The following MBD5 variants were observed in gnomAD, a reference collection of about 807,000 sequenced individuals.
MBD5 encodes methyl-CpG-binding domain protein 5.
A neutral mutation model predicts 117.3 loss-of-function variants in MBD5; 13 were observed. The ratio of observed to expected loss-of-function variants is 0.11; its 90% confidence interval spans 0.07 to 0.18. The LOEUF (loss-of-function observed/expected upper bound fraction) is 0.18, where lower values mean the gene tolerates loss of function less well. Ranked by LOEUF, MBD5 falls within the 10% of genes least tolerant of loss-of-function variation. MBD5 has a pLI of 1.00. For synonymous variants in MBD5, 727 were observed against 766.4 expected (o/e 0.95, Z 0.85); for missense variants, 1,879 against 2,093.8 (o/e 0.90, Z 2.00).
At chr2:148,396,317 T>G (rs936780029) in intron 4 of MBD5, among the ~76,000 whole-genome samples, 3 of 152,176 alleles carry the variant, frequency 2.0e-5, no homozygotes, top group African/African-American at 7.2e-5. Context: ...TAGAGAGCAA[T>G]GGCAGCATGG....
intron 2 of MBD5, among the ~76,000 whole-genome samples, chr2:148,210,851 T>C (rs1699405867): frequency 6.6e-6 from 1 of 152,170 alleles, no homozygotes; most frequent in African/African-American, 2.4e-5. Context: ...CTTTCAGTTG[T>C]ATCTAGTTTT....
intron 1 of MBD5, among the ~76,000 whole-genome samples, chr2:148,149,101 C>G (rs933867169): frequency 1.3e-5 from 2 of 150,476 alleles, no homozygotes; most frequent in South Asian, 2.1e-4. Flanking sequence ...CCCCCCACCC[C>G]ACAACAGTCC....
intron 1 of MBD5, among the ~76,000 whole-genome samples, chr2:148,106,732 A>T (rs1696381811): frequency 6.6e-6 from 1 of 151,976 alleles, no homozygotes; most frequent in South Asian, 2.1e-4. Context: ...TTACTCAAGA[A>T]ATGGTATCAT....
intron 2 of MBD5, among the ~76,000 whole-genome samples, chr2:148,184,770 G>A (rs558031996): frequency 4.9e-4 from 75 of 152,298 alleles, no homozygotes; most frequent in Non-Finnish European, 6.9e-4. Flanking sequence ...TGTGGGAAGA[G>A]ACTAGTATCC....
At chr2:148,096,335 T>C (rs79934764) in intron 1 of MBD5, among the ~76,000 whole-genome samples, 1,882 of 152,272 alleles carry the variant, frequency 0.012, 24 homozygotes, top group African/African-American at 0.043. Flanking sequence ...GCTACTGGCA[T>C]CTAGTGGATA....
chr2:148,322,592 G>A (rs151124043), intron 3 of MBD5, among the ~76,000 whole-genome samples: 1 of 152,064 alleles, frequency 6.6e-6, no homozygotes. Context: ...TACATACCTT[G>A]ATTATTATTT....
chr2:148,239,957 A>G (rs1574179575), intron 3 of MBD5, among the ~76,000 whole-genome samples: 1 of 152,218 alleles, frequency 6.6e-6, no homozygotes, highest in East Asian at 1.9e-4. Context: ...CTATAAAGAC[A>G]CATGCACACA....
intron 3 of MBD5, among the ~76,000 whole-genome samples, chr2:148,339,717 G>T (rs7563648): frequency 0.28 from 42,071 of 151,748 alleles, 6,048 homozygotes; most frequent in African/African-American, 0.31. Flanking sequence ...TACAAATGAC[G>T]ATCACCATTT....
rs115495710 is a variant in MBD5, at chr2:148,469,904, A to G, written c.1961A>G (p.Asp654Gly). 1.9e-6 allele frequency: 3 copies of G among 1,613,958 alleles called. No individual in the cohort carries two copies. The African/African-American group carries it at 4.0e-5, about 22-fold the overall frequency. The change falls in exon 8 of 14, where the codon GAC becomes GGC. Residue 654 changes from aspartate (D) to glycine (G), a missense_variant. Physicochemically the swap from Asp to Gly is moderately conservative, Grantham distance 94. Transcript: ENST00000642680. ...LRDKLMSQQK[D>G]ALRKRKQPPT... ...GATAAGCTGATGTCTCAGCAAAAAG[A>G]CGCATTGCGGAAAAGAAAACAACCA...
In MBD5 at chr2:148,468,436, A is replaced by G; in HGVS notation, c.493A>G (p.Lys165Glu). 1 of 1,613,776 alleles carries G rather than the reference A, an allele frequency of 6.2e-7. No homozygotes were observed. Among genetic ancestry groups the G allele is most frequent in the Non-Finnish European group, 8.5e-7 (1 of 1,179,770 alleles). Residue 165 changes from lysine to glutamate, a missense_variant, in exon 8 of 14, where the codon AAG becomes GAG. Lys to Glu is a moderately conservative substitution (Grantham distance 56, BLOSUM62 1). Coordinates refer to ENST00000642680, the MANE Select transcript of MBD5 (RefSeq NM_001378120.1). ...GITNSVMPEC[K>E]NPFKLMIGSS... is the part of the protein sequence containing the mutation. ...TACAAATTCTGTAATGCCTGAATGTAAGAATCCTTTCAAGTTAATGATTGG... is the reference window on the plus strand; with the variant it reads ...TACAAATTCTGTAATGCCTGAATGTGAGAATCCTTTCAAGTTAATGATTGG...
intron 2 of MBD5, among the ~76,000 whole-genome samples, chr2:148,197,641 A>G (rs1215764850): frequency 2.0e-5 from 3 of 152,160 alleles, no homozygotes; most frequent in African/African-American, 4.8e-5. Flanking sequence ...TACGTATTCT[A>G]TTAATAAAGT....
chr2:148,071,276 ATG>A (rs35621899), intron 1 of MBD5: 20,940 of 108,694 alleles, frequency 0.19, 1,357 homozygotes, highest in East Asian at 0.35. Flanking sequence ...ATATCTGTAT[ATG>A]TGTGTGTGTG....
chr2:148,209,930 C>T (rs1390062161), intron 2 of MBD5, among the ~76,000 whole-genome samples: 1 of 152,084 alleles, frequency 6.6e-6, no homozygotes, highest in South Asian at 2.1e-4. Context: ...CCACCAGGCC[C>T]CACCTTCAAC....
chr2:148,031,146 A>G (rs1223623872), intron 1 of MBD5, among the ~76,000 whole-genome samples: 2 of 152,204 alleles, frequency 1.3e-5, no homozygotes, highest in African/African-American at 4.8e-5. Flanking sequence ...TTCACTCAAA[A>G]TACAGATAGT....
intron 11 of MBD5, among the ~76,000 whole-genome samples, chr2:148,501,506 T>A (rs1193428606): frequency 1.3e-5 from 2 of 152,230 alleles, no homozygotes; most frequent in Non-Finnish European, 2.9e-5. Context: ...TTAGATTGTG[T>A]GTGTGTGTGT....
rs1558908244 is a variant in MBD5 at position 148,060,319 on chromosome 2, G to GAAAA, written c.-925+38635_-925+38636insAAAA. 4.6e-5 allele frequency among the ~76,000 whole-genome samples: 7 copies of GAAAA among 150,760 alleles called. No individual in the cohort carries two copies. In the East Asian group the frequency reaches 1.4e-3, roughly 30 times the overall value. On this transcript the variant is annotated intron_variant, in intron 1 of 13. Coordinates refer to ENST00000642680, the MANE Select transcript of MBD5 (RefSeq NM_001378120.1). Reference sequence around the variant, plus strand: ...AGTGAGACCCTGTCTCAAAGAAAAAGGAAAAGAAAAGTCTCACTGGAGAGG... The same window carrying GAAAA: ...AGTGAGACCCTGTCTCAAAGAAAAAGAAAAGAAAAGAAAAGTCTCACTGGAGAGG...
At chr2:148,355,230 T>C (rs1156582259) in intron 4 of MBD5, among the ~76,000 whole-genome samples, 3 of 152,032 alleles carry the variant, frequency 2.0e-5, no homozygotes, top group African/African-American at 7.2e-5. Flanking sequence ...GGTGGTCTGT[T>C]CATTCTGATG....
chr2:148,272,896 T>C (rs1202263975), intron 3 of MBD5, among the ~76,000 whole-genome samples: 1 of 152,176 alleles, frequency 6.6e-6, no homozygotes, highest in Admixed American at 6.5e-5. Flanking sequence ...AACCTTTGCC[T>C]AGAAATTGCT....
intron 1 of MBD5, among the ~76,000 whole-genome samples, chr2:148,107,881 T>C (rs555147513): frequency 6.6e-6 from 1 of 152,314 alleles, no homozygotes; most frequent in South Asian, 2.1e-4. Flanking sequence ...TTTTTAACTT[T>C]ACATGTGAAG....
Sources: gnomAD v4.1 joint callset for allele counts (sites outside exome capture counted in the v4.1 genomes callset) on GRCh38, gnomAD v4.1.1 for gene constraint, MANE v1.5 for transcripts, NCBI Gene and HGNC (gene_info 2026-07-23, HGNC 2026-07-21) for gene names.